Variants in SH3TC1 observed in about 807,000 individuals in gnomAD.
SH3TC1 encodes SH3 domain and tetratricopeptide repeat-containing protein 1.
A neutral mutation model predicts 117.3 loss-of-function variants in SH3TC1; 135 were observed. The observed-to-expected ratio is 1.15, with a 90% CI of 1.00 to 1.33. The LOEUF (loss-of-function observed/expected upper bound fraction) is 1.33. Ranked by LOEUF, SH3TC1 falls within the 40% of genes most tolerant of loss-of-function variation. SH3TC1 has a pLI of 0.00. For missense variants in SH3TC1, 2,092 were observed against 1,794.3 expected (o/e 1.17, Z -3.00); for synonymous variants, 898 against 816.9 (o/e 1.10, Z -1.69).
chr4:8,240,972 A>T lies in SH3TC1; in HGVS notation c.*17A>T. ...CCTCGCTGAGGACAGCATCCAAGGG[A>T]GTGGGTTTTGTGCAAGGGCTGGGGG... On this transcript the variant is annotated 3_prime_UTR_variant, in exon 18 of 18. Coordinates refer to ENST00000245105, the MANE Select transcript of SH3TC1 (RefSeq NM_018986.5). The T allele has an allele frequency of 6.2e-7, 1 of 1,604,014 alleles. No homozygotes were observed. Among genetic ancestry groups the T allele is most frequent in the South Asian group, 1.1e-5 (1 of 91,038 alleles).
Position 8,205,428 on chromosome 4 carries a change from C to T in SH3TC1, c.172+62C>T. On this transcript the variant is annotated intron_variant, in intron 2 of 17. Transcript: ENST00000245105. The surrounding 1 kb of genome is among the most constrained non-coding windows in gnomAD (Gnocchi z 5.4). ...CCACCCACTTCTCCACCCCACCCGCCCCGTCCATCCATCCCTCACCACCCT... is the reference window on the plus strand; with the variant it reads ...CCACCCACTTCTCCACCCCACCCGCTCCGTCCATCCATCCCTCACCACCCT... 1 of 1,539,190 alleles carries T rather than the reference C, an allele frequency of 6.5e-7. No individual in the cohort carries two copies. The highest frequency in any genetic ancestry group is 8.8e-7 in the Non-Finnish European group (1 of 1,137,802).
At chr4:8,229,526 A>G (rs1578731093) in intron 12 of SH3TC1, among the ~76,000 whole-genome samples, 1 of 37,372 alleles carries the variant, frequency 2.7e-5, no homozygotes. Context: ...AGCGGGGATG[A>G]GTGGGGTGTA....
chr4:8,207,077 CAA>C (rs34956323), intron 2 of SH3TC1, among the ~76,000 whole-genome samples: 76,837 of 138,518 alleles, frequency 0.55, 20,531 homozygotes, highest in Admixed American at 0.61. Context: ...TCCTTTATAG[CAA>C]AAAAAAAAAA....
In SH3TC1 at chr4:8,183,398, C is replaced by G. The variant is rs1389722715; in HGVS notation, c.-57+1188C>G. On this transcript the variant is annotated intron_variant, in intron 1 of 16. Coordinates refer to the SH3TC1 transcript ENST00000508641. This position sits in a 1 kb window ranked among gnomAD's most constrained non-coding sequence, Gnocchi z 5.4. ...CAGAAACCGGCCCTGCCCCACGCAT[C>G]TCTGTGATTAACTCACTCCCTGTAC... 6.6e-6 allele frequency among the ~76,000 whole-genome samples: 1 copy of G among 152,196 alleles called. No homozygotes were observed. The highest frequency in any genetic ancestry group is 2.4e-5 in the African/African-American group (1 of 41,446).
rs572500309 is a variant in SH3TC1, at chr4:8,225,300, C to T, written c.1285+84C>T. The T allele has an allele frequency of 7.0e-5, 104 of 1,477,050 alleles. No individual in the cohort carries two copies. The African/African-American group carries it at 7.4e-4, about 10-fold the overall frequency. 91.5% of individuals were successfully genotyped at this position (1,477,050 alleles called of 1,614,324 possible). On this transcript the variant is annotated intron_variant, in intron 11 of 17. Coordinates refer to ENST00000245105, the MANE Select transcript of SH3TC1 (RefSeq NM_018986.5). This position sits in a 1 kb window ranked among gnomAD's most constrained non-coding sequence, Gnocchi z 5.5. ...CTGGGGGAGGTGACAAAGCTGAGCA[C>T]GGTGGGCATTGGGTGCGGCTGTCAC... is the stretch of plus-strand genomic sequence containing the variant.
At chr4:8,193,203 C>A (rs1024450189) in intron 1 of SH3TC1, among the ~76,000 whole-genome samples, 2 of 152,202 alleles carry the variant, frequency 1.3e-5, no homozygotes, top group Admixed American at 6.5e-5. Context: ...GAGGCTCCTG[C>A]GCGCCTGTTT....
rs1257185719 is a variant in SH3TC1 at position 8,192,112 on chromosome 4, C to T, written c.-57+9902C>T. On this transcript the variant is annotated intron_variant, in intron 1 of 16. Transcript: ENST00000508641. This position sits in a 1 kb window ranked among gnomAD's most constrained non-coding sequence, Gnocchi z 4.1. ...TCAAGTGATTCTCTCACCTCTGCCT[C>T]CCAAGTAGCTAAGATTACAGGCACC... is the stretch of plus-strand genomic sequence containing the variant. Among the ~76,000 whole-genome samples, 1 of 151,950 alleles carries T rather than the reference C, an allele frequency of 6.6e-6. No individual in the cohort carries two copies. Among genetic ancestry groups the T allele is most frequent in the Non-Finnish European group, 1.5e-5 (1 of 68,018 alleles).
Position 8,237,558 on chromosome 4 carries a change from T to G in SH3TC1, c.3641T>G (p.Phe1214Cys), listed in dbSNP as rs1721933559. 1 of 1,611,740 alleles carries G rather than the reference T, an allele frequency of 6.2e-7. No individual in the cohort carries two copies. The highest frequency in any genetic ancestry group is 8.5e-7 in the Non-Finnish European group (1 of 1,179,496). ...RLGHGELAEH[F>C]YLKALSLCNS... The stretch of plus-strand genomic sequence containing the variant: ...GGCCATGGCGAGCTGGCAGAGCACT[T>G]CTACCTCAAGGCCCTGTCGCTCTGC... The change falls in exon 17 of 18, where the codon TTC (phenylalanine) becomes TGC (cysteine). Residue 1214 changes from phenylalanine to cysteine, a missense_variant. Phe to Cys is a radical substitution (Grantham distance 205, BLOSUM62 -2). Coordinates refer to ENST00000245105, the MANE Select transcript of SH3TC1 (RefSeq NM_018986.5).
At chr4:8,196,608 T>C (rs920063599), upstream of SH3TC1, among the ~76,000 whole-genome samples, 3 of 152,048 alleles carry the variant, frequency 2.0e-5, no homozygotes, top group African/African-American at 7.3e-5. The surrounding 1 kb of genome is among the most constrained non-coding windows in gnomAD (Gnocchi z 4.6). Flanking sequence ...AGTGGGACCT[T>C]TGTCAAGGGT....
intron 1 of SH3TC1, among the ~76,000 whole-genome samples, chr4:8,185,261 G>A (rs530230589): frequency 6.6e-6 from 1 of 152,032 alleles, no homozygotes; most frequent in South Asian, 2.1e-4. Flanking sequence ...ACTTGAACCC[G>A]GGATGCGGAG....
chr4:8,216,724 G>A (rs1452349393), intron 6 of SH3TC1, among the ~76,000 whole-genome samples: 1 of 152,146 alleles, frequency 6.6e-6, no homozygotes, highest in African/African-American at 2.4e-5. Flanking sequence ...CTGAGGCCCA[G>A]GGCGAGGGTC....
Position 8,205,387 on chromosome 4 carries a change from C to T in SH3TC1, c.172+21C>T. ...AGGCGGTGAGTTCATTCCACCCTCACCACCCGCCCTCCATCCCACCCACTT... is the reference window on the plus strand; with the variant it reads ...AGGCGGTGAGTTCATTCCACCCTCATCACCCGCCCTCCATCCCACCCACTT... On this transcript the variant is annotated intron_variant, in intron 2 of 17. Transcript: ENST00000245105. The surrounding 1 kb of genome is among the most constrained non-coding windows in gnomAD (Gnocchi z 5.4). The T allele has an allele frequency of 6.5e-7, 1 of 1,532,858 alleles. No homozygotes were observed. The highest frequency in any genetic ancestry group is 8.8e-7 in the Non-Finnish European group (1 of 1,137,744). The allele number at this position is 1,532,858 out of a possible 1,614,324, so 95.0% of individuals were successfully genotyped here.
chr4:8,216,047 C>G, intron 5 of SH3TC1, 64 bp from the exon 6 acceptor site: 1 of 1,586,176 alleles, frequency 6.3e-7, no homozygotes, highest in Non-Finnish European at 8.6e-7. Flanking sequence ...TGGGACCACA[C>G]AGGCTTCCCT....
chr4:8,198,790 G>A (rs1182595391), upstream of SH3TC1, among the ~76,000 whole-genome samples: 1 of 152,254 alleles, frequency 6.6e-6, no homozygotes, highest in African/African-American at 2.4e-5. Flanking sequence ...GGCAGAGACG[G>A]AAGAAATTGC....
At position 8,238,705 on chromosome 4, in the gene SH3TC1, A is replaced by G. The variant is rs73079784; in HGVS notation, c.3753+1035A>G. ...GGGAAGTGCCAGGTGTCTGGCCCAG[A>G]GGGACGCTGCTCACTGCTCAGGGGC... On this transcript the variant is annotated intron_variant, in intron 17 of 17. Coordinates refer to ENST00000245105, the MANE Select transcript of SH3TC1 (RefSeq NM_018986.5). Among the ~76,000 whole-genome samples, 1,126 of 152,238 alleles carry G rather than the reference A, an allele frequency of 7.4e-3. 16 individuals are homozygous for G. Among genetic ancestry groups the G allele is most frequent in the African/African-American group, 0.025 (1,021 of 41,526 alleles).
chr4:8,207,753 C>G (rs1353462552), intron 2 of SH3TC1, among the ~76,000 whole-genome samples: 2 of 152,238 alleles, frequency 1.3e-5, no homozygotes, highest in Admixed American at 1.3e-4. Context: ...TGCGTCCTCA[C>G]TTTCTGGGAC....
At chr4:8,237,378 C>G in intron 16 of SH3TC1, 96 bp from the exon 17 acceptor site, 1 of 1,090,270 alleles carries the variant, frequency 9.2e-7, no homozygotes, top group Non-Finnish European at 1.3e-6. Flanking sequence ...GCCCAGGTGA[C>G]CGCAGTGCCT....
chr4:8,237,236 A>G (rs191086939), intron 16 of SH3TC1: 196 of 425,958 alleles, frequency 4.6e-4, no homozygotes, highest in African/African-American at 3.6e-3. Flanking sequence ...AGGTGGCTAT[A>G]TGTAGGCACA....
At chr4:8,216,408 T>C in intron 6 of SH3TC1, 151 bp downstream of exon 6, 2 of 1,218,902 alleles carry the variant, frequency 1.6e-6, no homozygotes, top group Non-Finnish European at 2.2e-6. Context: ...GGCAGGGAGG[T>C]GTGCTTGGTG....
Sources: gnomAD v4.1 joint callset for allele counts (sites outside exome capture counted in the v4.1 genomes callset) on GRCh38, gnomAD v4.1.1 for gene constraint, Gnocchi (gnomAD v3.1) non-coding constraint, MANE v1.5 for transcripts, NCBI Gene and HGNC (gene_info 2026-07-23, HGNC 2026-07-21) for gene names.